Variants in CYLD observed in about 807,000 individuals in gnomAD.
The protein encoded by CYLD is CYLD lysine 63 deubiquitinase, also known as ubiquitin carboxyl-terminal hydrolase CYLD.
CYLD carries 26 observed loss-of-function variants against 104.5 expected under a neutral mutation model. That is an observed-to-expected ratio of 0.25 (90% CI 0.18 to 0.35). CYLD has a LOEUF of 0.35. Ranked by LOEUF, CYLD falls within the 10% of genes least tolerant of loss-of-function variation. CYLD has a pLI of 1.00. For synonymous variants in CYLD, 385 were observed against 399.9 expected, an observed-to-expected ratio of 0.96 and a Z score of 0.45; for missense variants, 703 against 1,136.1, an observed-to-expected ratio of 0.62 and a Z score of 5.48.
At position 50,786,996 on chromosome 16, in the gene CYLD, C is replaced by A. The variant is rs13338860; in HGVS notation, c.2041+50C>A. The stretch of plus-strand genomic sequence containing the variant: ...TAAAAATAACTGAAGAGCATATTCA[C>A]ATGTCAAAGTATTAGCTGAAATGTG... On this transcript the variant is annotated intron_variant, in intron 13 of 18. Coordinates refer to ENST00000427738, the MANE Select transcript of CYLD (RefSeq NM_001378743.1). The A allele has an allele frequency of 1.1e-3, 1,572 of 1,414,310 alleles. 16 individuals are homozygous for A. In the African/African-American group the frequency reaches 0.015, roughly 14 times the overall value. 87.6% of individuals were successfully genotyped at this position (1,414,310 alleles called of 1,614,324 possible).
At chr16:50,759,022 TG>T (rs1182448031) in intron 5 of CYLD, among the ~76,000 whole-genome samples, 4 of 152,140 alleles carry the variant, frequency 2.6e-5, no homozygotes. Context: ...GCAGATCACG[TG>T]AGGTCAGGAG....
chr16:50,773,885 T>C (rs923699694), intron 5 of CYLD, among the ~76,000 whole-genome samples: 1 of 152,180 alleles, frequency 6.6e-6, no homozygotes, highest in Admixed American at 6.5e-5. Flanking sequence ...AGAGCTGATA[T>C]TTGACCCCCT....
intron 4 of CYLD, among the ~76,000 whole-genome samples, chr16:50,753,764 A>G (rs963434481): frequency 3.9e-5 from 6 of 152,238 alleles, no homozygotes; most frequent in Non-Finnish European, 2.9e-5. Flanking sequence ...ATATCAGATA[A>G]TTAAATATAA....
chr16:50,748,382 T>A (rs1314915849), intron 2 of CYLD, among the ~76,000 whole-genome samples: 1 of 152,132 alleles, frequency 6.6e-6, no homozygotes, highest in Non-Finnish European at 1.5e-5. Flanking sequence ...TTATTATTCT[T>A]GTAAAAATTT....
intron 4 of CYLD, 60 bp downstream of exon 4, chr16:50,751,966 A>G (rs1036323857): frequency 7.1e-5 from 33 of 463,078 alleles, no homozygotes; most frequent in East Asian, 2.5e-4. Flanking sequence ...ATATATATGT[A>G]TATATATATA....
intron 5 of CYLD, among the ~76,000 whole-genome samples, chr16:50,762,906 G>A (rs1458317066): frequency 6.6e-6 from 1 of 152,118 alleles, no homozygotes; most frequent in African/African-American, 2.4e-5. Flanking sequence ...AATTCACTCA[G>A]AGTGTACAAA....
chr16:50,793,908 C>T (rs554507321), intron 17 of CYLD, among the ~76,000 whole-genome samples: 86 of 148,136 alleles, frequency 5.8e-4, no homozygotes, highest in African/African-American at 2.0e-3. Flanking sequence ...TTGAGTTTCT[C>T]TCATTAATGA....
At chr16:50,752,007 C>T (rs1966674577) in intron 4 of CYLD, 101 bp downstream of exon 4, 1 of 177,274 alleles carries the variant, frequency 5.6e-6, no homozygotes, top group Non-Finnish European at 9.1e-6. Flanking sequence ...TATATATACA[C>T]ACATATATAT....
At position 50,786,938 on chromosome 16, in the gene CYLD, A is replaced by C; in HGVS notation, c.2033A>C (p.Glu678Ala). The change falls in exon 13 of 19, where the codon GAA (glutamate) becomes GCA (alanine). Residue 678 changes from glutamate to alanine, a missense_variant. By Grantham distance (107) the Glu-to-Ala change is moderately radical (BLOSUM62 -1). Around this residue, in one of 5 missense-constraint regions of CYLD, gnomAD observed 125 missense variants for 325.4 expected, o/e 0.38. Transcript: ENST00000427738. ...KVEAASGFTSEEKDPEEFLNI... is the reference protein window; with the variant it reads ...KVEAASGFTSAEKDPEEFLNI... ...GAGGCTGCATCAGGATTTACCTCTG[A>C]AGAAAAAGGTGACCATCTTAACTTA... is the stretch of plus-strand genomic sequence containing the variant. 6.2e-7 allele frequency: 1 copy of C among 1,613,490 alleles called. No individual in the cohort carries two copies. The highest frequency in any genetic ancestry group is 8.5e-7 in the Non-Finnish European group (1 of 1,179,452).
chr16:50,744,852 T>C (rs1274721728), intron 2 of CYLD: 2 of 152,372 alleles, frequency 1.3e-5, no homozygotes, highest in Non-Finnish European at 2.9e-5. Context: ...GTTGAATGAC[T>C]TCATCTTAAT....
chr16:50,793,142 A>G, intron 16 of CYLD, among the ~76,000 whole-genome samples: 1 of 152,062 alleles, frequency 6.6e-6, no homozygotes, highest in East Asian at 1.9e-4. Context: ...ACACACACAC[A>G]CACACATGCA....
At chr16:50,784,566 G>A in intron 12 of CYLD, 115 bp downstream of exon 12, 1 of 1,122,646 alleles carries the variant, frequency 8.9e-7, no homozygotes, top group Non-Finnish European at 1.3e-6. Flanking sequence ...GTGAAAATTA[G>A]TTCTTATGGT....
In CYLD at chr16:50,752,966, GA is replaced by G. The variant is rs372944364; in HGVS notation, c.807+1062del. Among the ~76,000 whole-genome samples, 1,313 of 152,240 alleles carry G rather than the reference GA, an allele frequency of 8.6e-3. 19 individuals carry two copies. The highest frequency in any genetic ancestry group is 0.03 in the African/African-American group (1,246 of 41,544). On this transcript the variant is annotated intron_variant, in intron 4 of 18. Coordinates refer to ENST00000427738, the MANE Select transcript of CYLD (RefSeq NM_001378743.1). Reference sequence around the variant, plus strand: ...ATGTATAAAGAAGGAAATTCATATGGAATTACTGAACACTAGAATGAGTTAG... The same window carrying G: ...ATGTATAAAGAAGGAAATTCATATGGATTACTGAACACTAGAATGAGTTAG...
chr16:50,761,055 T>G (rs1483840271), intron 5 of CYLD, among the ~76,000 whole-genome samples: 1 of 152,204 alleles, frequency 6.6e-6, no homozygotes, highest in Non-Finnish European at 1.5e-5. Flanking sequence ...GTTGAACATT[T>G]TTGCATATGA....
intron 5 of CYLD, among the ~76,000 whole-genome samples, chr16:50,762,286 T>C (rs1313489099): frequency 6.6e-6 from 1 of 152,254 alleles, no homozygotes; most frequent in Non-Finnish European, 1.5e-5. Context: ...TCCTGTTCTA[T>C]ACTGTTTTCA....
intron 2 of CYLD, among the ~76,000 whole-genome samples, chr16:50,747,389 A>G (rs1375838375): frequency 2.6e-5 from 4 of 152,254 alleles, no homozygotes; most frequent in Non-Finnish European, 4.4e-5. Context: ...AACTCTAGAC[A>G]GTAGATCTGT....
Position 50,792,615 on chromosome 16 carries a change from A to T in CYLD, c.2260A>T (p.Ile754Phe). 6.2e-7 allele frequency: 1 copy of T among 1,605,802 alleles called. No individual in the cohort carries two copies. The highest frequency in any genetic ancestry group is 8.5e-7 in the Non-Finnish European group (1 of 1,173,596). ...KFAEAPSCLI[I>F]QMPRFGKDFK... ...TTTATAGGCACCATCATGTCTGATT[A>T]TTCAGATGCCTCGATTTGGAAAAGA... The change falls in exon 16 of 19, where the codon ATT becomes TTT. Residue 754 changes from isoleucine (I) to phenylalanine (F), a missense_variant. Ile to Phe is a conservative substitution (Grantham distance 21). This residue lies in a region of CYLD where 125 missense variants were observed against 325.4 expected (regional missense o/e 0.38). Coordinates refer to ENST00000427738, the MANE Select transcript of CYLD (RefSeq NM_001378743.1).
intron 5 of CYLD, among the ~76,000 whole-genome samples, chr16:50,764,828 A>G (rs958693359): frequency 1.3e-5 from 2 of 152,186 alleles, no homozygotes; most frequent in African/African-American, 4.8e-5. Flanking sequence ...TACAGTGCAC[A>G]GGGCAGCCCT....
At chr16:50,790,382 C>T (rs1971307106) in intron 14 of CYLD, among the ~76,000 whole-genome samples, 1 of 152,172 alleles carries the variant, frequency 6.6e-6, no homozygotes. Flanking sequence ...GCCCTCCTCC[C>T]CTGCTGCCAT....
Sources: allele counts gnomAD v4.1 joint callset (sites outside exome capture counted in the v4.1 genomes callset), GRCh38; gene constraint gnomAD v4.1.1; regional missense constraint gnomAD v4.1.1; transcripts MANE v1.5; gene names NCBI Gene and HGNC (gene_info 2026-07-23, HGNC 2026-07-21).